MMP16: variants seen among roughly 807,000 people sequenced by gnomAD.
The protein encoded by MMP16 is matrix metallopeptidase 16.
MMP16 carries 12 observed loss-of-function variants against 67.8 expected under a neutral mutation model. The ratio of observed to expected loss-of-function variants is 0.18; its 90% CI spans 0.11 to 0.29. The LOEUF (loss-of-function observed/expected upper bound fraction) is 0.29. Ranked by LOEUF, MMP16 falls within the 10% of genes least tolerant of loss-of-function variation. MMP16 has a pLI of 1.00. For synonymous variants in MMP16, 249 were observed against 255.9 expected (o/e 0.97, Z 0.26); for missense variants, 475 against 765.7 (o/e 0.62, Z 4.48).
intron 6 of MMP16, among the ~76,000 whole-genome samples, chr8:88,111,480 T>A (rs1040558809): frequency 4.0e-5 from 6 of 151,566 alleles, no homozygotes; most frequent in African/African-American, 1.5e-4. Flanking sequence ...CAGAAACAAC[T>A]GGGAGGAGAA....
chr8:88,048,782 A>G (rs62525862), intron 8 of MMP16, among the ~76,000 whole-genome samples: 18,369 of 152,238 alleles, frequency 0.12, 1,470 homozygotes, highest in Non-Finnish European at 0.18. Flanking sequence ...TTGCCAACAC[A>G]TATTTGGGAA....
At position 88,127,680 on chromosome 8, in the gene MMP16, T is replaced by A. The variant is rs547366898; in HGVS notation, c.710-8819A>T. On this transcript the variant is annotated intron_variant, in intron 4 of 9. Transcript: ENST00000286614. ...TTATAATTTTTAAAGGCTGTCCATA[T>A]AAATTTCATATAGAAATATTTCACA... 2.0e-5 allele frequency among the ~76,000 whole-genome samples: 3 copies of A among 151,982 alleles called. No homozygotes were observed. The South Asian group carries it at 6.2e-4, about 31-fold the overall frequency.
At chr8:88,075,798 T>C (rs970090027) in intron 6 of MMP16, among the ~76,000 whole-genome samples, 11 of 152,082 alleles carry the variant, frequency 7.2e-5, no homozygotes, top group Admixed American at 3.9e-4. Flanking sequence ...TCCATTTTAA[T>C]TCTCTGCTTT....
At chr8:88,068,185 G>A (rs72675130) in intron 7 of MMP16, among the ~76,000 whole-genome samples, 12,769 of 152,006 alleles carry the variant, frequency 0.084, 737 homozygotes, top group Non-Finnish European at 0.12. Flanking sequence ...ATCTTTTCAT[G>A]AGCTCATTTG....
intron 4 of MMP16, among the ~76,000 whole-genome samples, chr8:88,134,597 T>C (rs1334246290): frequency 6.6e-6 from 1 of 151,580 alleles, no homozygotes; most frequent in Non-Finnish European, 1.5e-5. Flanking sequence ...TTTTAAACCA[T>C]GTATCTATCT....
At chr8:88,142,075 T>A (rs1808221008) in intron 4 of MMP16, among the ~76,000 whole-genome samples, 1 of 151,924 alleles carries the variant, frequency 6.6e-6, no homozygotes, top group Non-Finnish European at 1.5e-5. Flanking sequence ...CAGCTAATTT[T>A]TTTTTTTGTA....
rs991677814 is a variant in MMP16 at position 88,280,392 on chromosome 8, G to A, written c.132+46683C>T. ...GGAAAGATTTTTTCTGTAGAATAAA[G>A]AGAACTCAACCCATGCTACTATGAT... On this transcript the variant is annotated intron_variant, in intron 1 of 9. Transcript: ENST00000286614. Among the ~76,000 whole-genome samples the A allele has an allele frequency of 5.3e-5, 8 of 152,028 alleles. 1 individual carries two copies. The highest frequency in any genetic ancestry group is 1.9e-4 in the African/African-American group (8 of 41,386).
chr8:88,276,542 A>G (rs1051872213), intron 1 of MMP16, among the ~76,000 whole-genome samples: 1 of 152,162 alleles, frequency 6.6e-6, no homozygotes, highest in African/African-American at 2.4e-5. Context: ...ATAACTGTGA[A>G]GACAAAATTA....
chr8:88,263,133 G>T (rs555924288), intron 1 of MMP16, among the ~76,000 whole-genome samples: 7 of 151,950 alleles, frequency 4.6e-5, no homozygotes, highest in Non-Finnish European at 1.0e-4. Context: ...ATTTATGACA[G>T]AAAATCAATC....
chr8:88,072,332 G>C (rs1488270334), intron 7 of MMP16, among the ~76,000 whole-genome samples: 2 of 152,110 alleles, frequency 1.3e-5, no homozygotes, highest in Non-Finnish European at 2.9e-5. Flanking sequence ...GTAGAGTCTA[G>C]GGAAGAGTGT....
chr8:88,144,946 C>G (rs1808267192), intron 4 of MMP16, among the ~76,000 whole-genome samples: 1 of 152,078 alleles, frequency 6.6e-6, no homozygotes, highest in East Asian at 1.9e-4. Context: ...CTGAATAAGT[C>G]AATTCCTGCA....
chr8:88,052,258 C>A lies in MMP16; in HGVS notation c.1373+3870G>T, dbSNP rs540615179. 8.5e-5 allele frequency among the ~76,000 whole-genome samples: 13 copies of A among 152,270 alleles called. 1 individual carries two copies. The South Asian group carries it at 2.7e-3, about 32-fold the overall frequency. On this transcript the variant is annotated intron_variant, in intron 8 of 9. Transcript: ENST00000286614. ...CTCTTAATCCCCTTCCCCCAATATTCCTTTCTGTGTCTGCCTTATCTCCAG... is the reference window on the plus strand; with the variant it reads ...CTCTTAATCCCCTTCCCCCAATATTACTTTCTGTGTCTGCCTTATCTCCAG...
intron 1 of MMP16, among the ~76,000 whole-genome samples, chr8:88,309,506 CT>C (rs1369159206): frequency 3.3e-5 from 5 of 151,898 alleles, no homozygotes; most frequent in Admixed American, 3.3e-4. Context: ...AAAAGAAAAT[CT>C]TTCTTTAAAA....
chr8:88,053,890 A>G (rs1184677930), intron 8 of MMP16, among the ~76,000 whole-genome samples: 1 of 152,154 alleles, frequency 6.6e-6, no homozygotes, highest in Non-Finnish European at 1.5e-5. Flanking sequence ...ATAGAGCTTA[A>G]AAGTAATAAA....
intron 6 of MMP16, among the ~76,000 whole-genome samples, chr8:88,080,207 C>T (rs1227828749): frequency 6.6e-6 from 1 of 152,150 alleles, no homozygotes; most frequent in African/African-American, 2.4e-5. Flanking sequence ...AACACATTTA[C>T]TAGACAGATC....
chr8:88,121,809 ATTAT>A (rs1456726593), intron 4 of MMP16, among the ~76,000 whole-genome samples: 18 of 152,182 alleles, frequency 1.2e-4, no homozygotes, highest in Non-Finnish European at 2.1e-4. Context: ...AGGATAATGA[ATTAT>A]TTGTCATTTC....
intron 3 of MMP16, among the ~76,000 whole-genome samples, chr8:88,178,397 T>C (rs1808927035): frequency 6.6e-6 from 1 of 152,092 alleles, no homozygotes; most frequent in African/African-American, 2.4e-5. Flanking sequence ...AAACAGAAAT[T>C]AAGAATGCCT....
At chr8:88,076,057 G>A (rs192016047) in intron 6 of MMP16, among the ~76,000 whole-genome samples, 1 of 151,340 alleles carries the variant, frequency 6.6e-6, no homozygotes, top group South Asian at 2.1e-4. Flanking sequence ...AATATGAACT[G>A]TCTTAAGAGC....
intron 7 of MMP16, among the ~76,000 whole-genome samples, chr8:88,057,903 C>G (rs777783248): frequency 5.4e-4 from 82 of 151,944 alleles, no homozygotes; most frequent in Admixed American, 9.8e-4. Context: ...GCAGAAGAAG[C>G]AGATGAAAAC....
Sources: gnomAD v4.1 joint callset for allele counts (sites outside exome capture counted in the v4.1 genomes callset) on GRCh38, gnomAD v4.1.1 for gene constraint, MANE v1.5 for transcripts, NCBI Gene and HGNC (gene_info 2026-07-23, HGNC 2026-07-21) for gene names.